The following SCEL variants were observed in gnomAD, a reference collection of about 807,000 sequenced individuals.
The protein encoded by SCEL is sciellin.
Under a neutral mutation model 117.6 loss-of-function variants are expected in SCEL, and 113 were observed. The ratio of observed to expected loss-of-function variants is 0.96; its 90% CI spans 0.83 to 1.12. The LOEUF is 1.12. Ranked by LOEUF, SCEL falls within the 50% of genes most tolerant of loss-of-function variation. The probability of loss-of-function intolerance (pLI) is 0.00; values close to 1 mark genes in which losing one functional copy is unlikely to be tolerated. For missense variants in SCEL, 785 were observed against 810.8 expected (o/e 0.97, Z 0.39); for synonymous variants, 270 against 256.2 (o/e 1.05, Z -0.51).
At chr13:77,607,326 C>T (rs1482096476) in intron 19 of SCEL, among the ~76,000 whole-genome samples, 1 of 152,204 alleles carries the variant, frequency 6.6e-6, no homozygotes, top group African/African-American at 2.4e-5. Context: ...GCTGGGATTG[C>T]AGGAATGAGC....
chr13:77,590,680 GT>G (rs980614766), intron 10 of SCEL, among the ~76,000 whole-genome samples: 1 of 151,862 alleles, frequency 6.6e-6, no homozygotes, highest in Non-Finnish European at 1.5e-5. Context: ...CAACTTGCAT[GT>G]TTTTTTAAAG....
At position 77,617,808 on chromosome 13, in the gene SCEL, A is replaced by T; in HGVS notation, c.1517A>T (p.Gln506Leu). Residue 506 changes from glutamine (Q) to leucine (L), a missense_variant, in exon 26 of 33, where the codon CAA becomes CTA. Coordinates refer to ENST00000349847, the MANE Select transcript of SCEL (RefSeq NM_144777.3). ...TTTTATTTTTTGATTTAAAGAAACC[A>T]AGATCTTGCTAACCTCATCAAAGTA... Reference protein sequence around the residue: ...PEIFTNNQRNQDLANLIKVNP... With the variant: ...PEIFTNNQRNLDLANLIKVNP... 2.5e-6 allele frequency: 4 copies of T among 1,610,066 alleles called. 1 individual carries two copies. Among genetic ancestry groups the T allele is most frequent in the African/African-American group, 1.3e-5 (1 of 74,924 alleles).
rs551045523 is a variant in SCEL, at chr13:77,594,378, G to A, written c.752+805G>A. 1.8e-3 allele frequency among the ~76,000 whole-genome samples: 273 copies of A among 152,226 alleles called. 1 individual carries two copies. Among genetic ancestry groups the A allele is most frequent in the Non-Finnish European group, 3.5e-3 (235 of 68,016 alleles). On this transcript the variant is annotated intron_variant, in intron 12 of 32. Transcript: ENST00000349847. ...TATCAAGGGAAACCATTTTCTCTCT[G>A]TAGTTTCCAAATACTCTGGCTTTGT...
Position 77,603,145 on chromosome 13 carries a change from A to G in SCEL, c.1097+10A>G. 6.7e-7 allele frequency: 1 copy of G among 1,489,408 alleles called. No homozygotes were observed. The highest frequency in any genetic ancestry group is 9.2e-7 in the Non-Finnish European group (1 of 1,089,078). 92.3% of individuals were successfully genotyped at this position (1,489,408 alleles called of 1,614,324 possible). A position where few individuals can be genotyped will look rare whatever the true frequency, so the allele number is the denominator to read the frequency against. On this transcript the variant is annotated intron_variant, in intron 18 of 32. Transcript: ENST00000349847. ...ATGAAAATACCACTGGGTAAAAATA[A>G]TTAATGTCTTTAATTATGGTTTCTG...
intron 11 of SCEL, 148 bp from the exon 12 acceptor site, chr13:77,593,366 G>T: frequency 1.9e-6 from 1 of 518,890 alleles, no homozygotes. Flanking sequence ...TGACATAATA[G>T]AACCATTTTG....
At chr13:77,634,084 C>T (rs2090158445) in intron 28 of SCEL, among the ~76,000 whole-genome samples, 1 of 152,134 alleles carries the variant, frequency 6.6e-6, no homozygotes, top group Non-Finnish European at 1.5e-5. Context: ...GACACTAGAA[C>T]ATATTATACA....
At chr13:77,633,131 C>T (rs1322228887) in intron 28 of SCEL, among the ~76,000 whole-genome samples, 1 of 152,152 alleles carries the variant, frequency 6.6e-6, no homozygotes, top group African/African-American at 2.4e-5. Context: ...TTTGTGTTAT[C>T]TGTGTAGAAG....
At chr13:77,601,687 C>A (rs1490249593) in intron 15 of SCEL, among the ~76,000 whole-genome samples, 2 of 152,126 alleles carry the variant, frequency 1.3e-5, no homozygotes, top group Non-Finnish European at 2.9e-5. Context: ...AAATATTGAT[C>A]AATTGATTTC....
At chr13:77,618,781 G>T (rs1054345708) in intron 27 of SCEL, among the ~76,000 whole-genome samples, 1 of 152,128 alleles carries the variant, frequency 6.6e-6, no homozygotes, top group African/African-American at 2.4e-5. Flanking sequence ...ATATTTTGAA[G>T]AAGTTGAACC....
rs1593944415 is a variant in SCEL, at chr13:77,563,706, C to T, written c.222-125C>T. The T allele has an allele frequency of 4.7e-5, 29 of 616,342 alleles. No individual in the cohort carries two copies. The East Asian group carries it at 8.1e-4, about 17-fold the overall frequency. The allele number at this position is 616,342 out of a possible 1,614,324, so 38.2% of individuals were successfully genotyped here. ...TTTGGGTATTAGAAATCTATCTTTC[C>T]TTGGTAACATGTATATTTCCTACTG... On this transcript the variant is annotated intron_variant, in intron 4 of 32. Coordinates refer to ENST00000349847, the MANE Select transcript of SCEL (RefSeq NM_144777.3).
intron 28 of SCEL, among the ~76,000 whole-genome samples, chr13:77,629,072 C>T (rs369597109): frequency 3.9e-5 from 6 of 152,096 alleles, no homozygotes; most frequent in East Asian, 1.9e-4. Context: ...TAAGGAATTT[C>T]CCATTTGATT....
At chr13:77,639,925 G>T (rs1390456985) in intron 30 of SCEL, among the ~76,000 whole-genome samples, 1 of 152,086 alleles carries the variant, frequency 6.6e-6, no homozygotes, top group African/African-American at 2.4e-5. Context: ...CCTTTCTTAA[G>T]GTTCTGGTGT....
Position 77,556,611 on chromosome 13 carries a change from C to T in SCEL, c.59C>T (p.Thr20Ile), listed in dbSNP as rs2084670759. Residue 20 changes from threonine (T) to isoleucine (I), a missense_variant, in exon 3 of 33, where the codon ACT (threonine) becomes ATT (isoleucine). Coordinates refer to ENST00000349847, the MANE Select transcript of SCEL (RefSeq NM_144777.3). The stretch of plus-strand genomic sequence containing the variant: ...CTGTTGATAGAGATGAAGAGCACCA[C>T]TCAGGGAACCACACGGAAGCAGCAG... Reference protein sequence around the residue: ...SPTGNEMKSTTQGTTRKQQDF... With the variant: ...SPTGNEMKSTIQGTTRKQQDF... 6 of 1,613,804 alleles carry T rather than the reference C, an allele frequency of 3.7e-6. No individual in the cohort carries two copies. The East Asian group carries it at 1.3e-4, about 36-fold the overall frequency.
At chr13:77,626,680 T>C (rs2089750188) in intron 27 of SCEL, among the ~76,000 whole-genome samples, 1 of 152,126 alleles carries the variant, frequency 6.6e-6, no homozygotes, top group South Asian at 2.1e-4. Context: ...AACGTACTTG[T>C]TTCTCCTTCA....
At chr13:77,631,964 G>T (rs867379641) in intron 28 of SCEL, among the ~76,000 whole-genome samples, 1 of 152,184 alleles carries the variant, frequency 6.6e-6, no homozygotes, top group African/African-American at 2.4e-5. Context: ...TCTCTTACTG[G>T]CTTGCAGATG....
chr13:77,572,397 G>T (rs116179528), intron 9 of SCEL, among the ~76,000 whole-genome samples: 1 of 152,180 alleles, frequency 6.6e-6, no homozygotes, highest in African/African-American at 2.4e-5. Flanking sequence ...GGAATGAGTA[G>T]GTGGCTGTAT....
rs201578276 is a variant in SCEL, at chr13:77,562,132, C to G, written c.222-1699C>G. 2.6e-5 allele frequency among the ~76,000 whole-genome samples: 4 copies of G among 152,182 alleles called. No individual in the cohort carries two copies. In the East Asian group the frequency reaches 7.7e-4, roughly 29 times the overall value. On this transcript the variant is annotated intron_variant, in intron 4 of 32. Transcript: ENST00000349847. ...CAGTAGCTGTGTTAAGAGCTGCAAA[C>G]AAAACAAAGTCCCTGCTTCCACAGA...
intron 28 of SCEL, among the ~76,000 whole-genome samples, chr13:77,632,362 T>C (rs190221181): frequency 6.6e-6 from 1 of 152,366 alleles, no homozygotes; most frequent in East Asian, 1.9e-4. Context: ...TTGGGTTTTG[T>C]ATTGTATATT....
intron 2 of SCEL, 85 bp from the exon 3 acceptor site, chr13:77,556,511 G>A: frequency 1.9e-6 from 2 of 1,067,132 alleles, no homozygotes; most frequent in Non-Finnish European, 2.9e-6. Flanking sequence ...CCAATCAGAT[G>A]TGCCTCTCAG....
Sources: allele counts gnomAD v4.1 joint callset (sites outside exome capture counted in the v4.1 genomes callset), GRCh38; gene constraint gnomAD v4.1.1; transcripts MANE v1.5; gene names NCBI Gene and HGNC (gene_info 2026-07-23, HGNC 2026-07-21).